Variants in ZNF780B observed in about 807,000 individuals in gnomAD.
ZNF780B encodes zinc finger protein 780B, also known as zinc finger protein 779.
In ZNF780B, 52 loss-of-function variants were observed where a neutral mutation model predicts 74.1. The ratio of observed to expected loss-of-function variants is 0.70; its 90% CI spans 0.56 to 0.88. The LOEUF (loss-of-function observed/expected upper bound fraction) is 0.88, where lower values mean the gene tolerates loss of function less well. Ranked by LOEUF, ZNF780B falls within the 40% of genes least tolerant of loss-of-function variation. The pLI is 0.00. For missense variants in ZNF780B, 953 were observed against 1,007.6 expected, an observed-to-expected ratio of 0.95 and a Z score of 0.73; for synonymous variants, 315 against 324.3, an observed-to-expected ratio of 0.97 and a Z score of 0.31.
intron 2 of ZNF780B, 33 bp downstream of exon 2, chr19:40,050,291 C>T (rs1481092284): frequency 6.3e-7 from 1 of 1,594,822 alleles, no homozygotes; most frequent in Non-Finnish European, 8.5e-7. Context: ...CTGAAAGTCA[C>T]CATATTTCAA....
At position 40,036,599 on chromosome 19, in the gene ZNF780B, T is replaced by C. The variant is rs758085116; in HGVS notation, c.260A>G (p.Lys87Arg). 1 of 1,552,612 alleles carries C rather than the reference T, an allele frequency of 6.4e-7. No individual in the cohort carries two copies. Among genetic ancestry groups the C allele is most frequent in the Non-Finnish European group, 8.7e-7 (1 of 1,152,918 alleles). ...AAAAATATCATTTTCTGGAGATATT[T>C]TCTCAGGTCCATATTTTGACTCCAA... is the stretch of plus-strand genomic sequence containing the variant. ...PDLESKYGPE[K>R]ISPENDIFEI... is the part of the protein sequence containing the mutation. Residue 87 changes from lysine to arginine, a missense_variant, in exon 5 of 5, where the codon AAA becomes AGA. By Grantham distance (26) the Lys-to-Arg change is conservative. Transcript: ENST00000434248.
At position 40,035,016 on chromosome 19, in the gene ZNF780B, A is replaced by T; in HGVS notation, c.1843T>A (p.Cys615Ser). ...CTGAAGGCCTTGCCACATTCCTTAC[A>T]TTCAAAGGGCTTCTCACCAGTATGA... ...KFHTGEKPFE[C>S]KECGKAFSLH... The change falls in exon 5 of 5, where the codon TGT (cysteine) becomes AGT (serine). Residue 615 changes from cysteine (C) to serine (S), a missense_variant. Coordinates refer to ENST00000434248, the MANE Select transcript of ZNF780B (RefSeq NM_001005851.3). The T allele has an allele frequency of 8.7e-6, 14 of 1,614,096 alleles. No homozygotes were observed. Among genetic ancestry groups the T allele is most frequent in the Non-Finnish European group, 1.2e-5 (14 of 1,179,944 alleles).
rs565334915 is a variant in ZNF780B at position 40,035,759 on chromosome 19, C to T, written c.1100G>A (p.Gly367Glu). The change falls in exon 5 of 5, where the codon GGG (glycine) becomes GAG (glutamate). Residue 367 changes from glycine to glutamate, a missense_variant. Transcript: ENST00000434248. ...CTGATTGAGGAGACTAAAGGCCTTC[C>T]CGCATTCCCTGCATTCAAAGGGCTT... ...GEKPFECRECGKAFSLLNQLN... is the reference protein window; with the variant it reads ...GEKPFECRECEKAFSLLNQLN... 5 of 1,613,954 alleles carry T rather than the reference C, an allele frequency of 3.1e-6. No homozygotes were observed. Among genetic ancestry groups the T allele is most frequent in the Admixed American group, 3.3e-5 (2 of 59,972 alleles).
chr19:40,040,304 C>T (rs534991742), intron 4 of ZNF780B, among the ~76,000 whole-genome samples: 1,748 of 152,210 alleles, frequency 0.011, 27 homozygotes, highest in African/African-American at 0.04. Flanking sequence ...CTGCTGGATT[C>T]GGTTTGCCAG....
intron 4 of ZNF780B, among the ~76,000 whole-genome samples, chr19:40,041,201 T>C (rs1972618735): frequency 1.3e-5 from 2 of 152,206 alleles, no homozygotes; most frequent in Admixed American, 1.3e-4. Flanking sequence ...TCAGTTTCCA[T>C]GTAGTTGAGT....
chr19:40,037,431 TTTTAC>T (rs1215961752), intron 4 of ZNF780B, among the ~76,000 whole-genome samples: 2 of 151,968 alleles, frequency 1.3e-5, no homozygotes, highest in South Asian at 2.1e-4. Flanking sequence ...TCTGGCTAAT[TTTTAC>T]TTTATTTTTA....
intron 4 of ZNF780B, among the ~76,000 whole-genome samples, chr19:40,037,720 C>G (rs1318229117): frequency 6.6e-6 from 1 of 152,160 alleles, no homozygotes; most frequent in African/African-American, 2.4e-5. Context: ...AACTTCCTAT[C>G]AGGGCACTGT....
At chr19:40,043,175 C>A (rs1238833449) in intron 4 of ZNF780B, among the ~76,000 whole-genome samples, 1 of 152,154 alleles carries the variant, frequency 6.6e-6, no homozygotes, top group South Asian at 2.1e-4. Context: ...CACTCCAGAC[C>A]CTGTTTGCCT....
intron 1 of ZNF780B, among the ~76,000 whole-genome samples, chr19:40,052,606 C>T (rs1973282627): frequency 6.6e-6 from 1 of 151,774 alleles, no homozygotes; most frequent in Admixed American, 6.6e-5. Flanking sequence ...GTGCATAGAA[C>T]CACAAAAGAC....
chr19:40,037,505 G>A (rs1011065038), intron 4 of ZNF780B, among the ~76,000 whole-genome samples: 3 of 152,112 alleles, frequency 2.0e-5, no homozygotes, highest in Non-Finnish European at 4.4e-5. Flanking sequence ...TGAACTCCTG[G>A]CATCAAGCAA....
At position 40,048,966 on chromosome 19, in the gene ZNF780B, G is replaced by A. The variant is rs1973074982; in HGVS notation, c.10-170C>T. The A allele has an allele frequency of 9.4e-6, 10 of 1,061,924 alleles. No individual in the cohort carries two copies. In the East Asian group the frequency reaches 2.2e-4, roughly 23 times the overall value. The allele number at this position is 1,061,924 out of a possible 1,614,324, so 65.8% of individuals were successfully genotyped here. A position where few individuals can be genotyped will look rare whatever the true frequency, so the allele number is the denominator to read the frequency against. On this transcript the variant is annotated intron_variant, in intron 2 of 4. Coordinates refer to ENST00000434248, the MANE Select transcript of ZNF780B (RefSeq NM_001005851.3). ...TGGCCTGGTGTGGTGGCTCATGCCT[G>A]TTATACCAGCACTTTGGGAGACCAA...
At chr19:40,039,187 G>C (rs1011209754) in intron 4 of ZNF780B, among the ~76,000 whole-genome samples, 6 of 152,098 alleles carry the variant, frequency 3.9e-5, no homozygotes, top group African/African-American at 1.4e-4. Context: ...CCCATTGCTT[G>C]TTTTTGTCAG....
At position 40,056,186 on chromosome 19, in the gene ZNF780B, T is replaced by C. The variant is rs1973492477; in HGVS notation, c.-46+3A>G. 1.3e-5 allele frequency: 2 copies of C among 152,272 alleles called. No homozygotes were observed. Among genetic ancestry groups the C allele is most frequent in the Admixed American group, 1.3e-4 (2 of 15,284 alleles). The allele number at this position is 152,272 out of a possible 1,614,324, so 9.4% of individuals were successfully genotyped here. A position where few individuals can be genotyped will look rare whatever the true frequency, so the allele number is the denominator to read the frequency against. On this transcript the variant is annotated splice_donor_region_variant and intron_variant, in intron 1 of 4. Coordinates refer to ENST00000434248, the MANE Select transcript of ZNF780B (RefSeq NM_001005851.3). The stretch of plus-strand genomic sequence containing the variant: ...ATTTCTTCCTAGGACGTGAAGACCT[T>C]ACCCAGCTAGGTCGTCAACCCCAGG...
intron 4 of ZNF780B, among the ~76,000 whole-genome samples, chr19:40,038,676 C>A: frequency 6.6e-6 from 1 of 152,072 alleles, no homozygotes; most frequent in Non-Finnish European, 1.5e-5. Flanking sequence ...TGATGATGAG[C>A]ATTTTTTCAT....
Position 40,045,609 on chromosome 19 carries a change from A to C in ZNF780B, c.232+1766T>G, listed in dbSNP as rs913416639. Among the ~76,000 whole-genome samples, 15 of 152,228 alleles carry C rather than the reference A, an allele frequency of 9.9e-5. No homozygotes were observed. In the East Asian group the frequency reaches 2.9e-3, roughly 29 times the overall value. ...CAGACAAACAGATAAAGAAAATGTGATATATACACATGGAATACTATTCAG... is the reference window on the plus strand; with the variant it reads ...CAGACAAACAGATAAAGAAAATGTGCTATATACACATGGAATACTATTCAG... On this transcript the variant is annotated intron_variant, in intron 4 of 4. Transcript: ENST00000434248.
rs749545935 is a variant in ZNF780B, at chr19:40,035,364, TC to T, written c.1494del (p.Lys499AsnfsTer168). 2.5e-6 allele frequency: 4 copies of T among 1,614,076 alleles called. No individual in the cohort carries two copies. Among genetic ancestry groups the T allele is most frequent in the African/African-American group, 1.3e-5 (1 of 74,926 alleles). ...CCACAGTCTTTACATTCAAATGGTT[TC>T]TCACCAGTATGAATGTTCTTATGTC... is the stretch of plus-strand genomic sequence containing the variant. ...LARHKNIHTGEKPFECKDCGK... is the reference protein window; with the variant it reads ...LARHKNIHTGXKPFECKDCGK... On this transcript the variant is annotated frameshift_variant, in exon 5 of 5. Coordinates refer to ENST00000434248, the MANE Select transcript of ZNF780B (RefSeq NM_001005851.3). LOFTEE classifies it high-confidence loss of function.
chr19:40,036,536 C>A lies in ZNF780B; in HGVS notation c.323G>T (p.Ser108Ile). The change falls in exon 5 of 5, where the codon AGT becomes ATT. Residue 108 changes from serine (S) to isoleucine (I), a missense_variant. Physicochemically the swap from Ser to Ile is moderately radical, Grantham distance 142. Coordinates refer to ENST00000434248, the MANE Select transcript of ZNF780B (RefSeq NM_001005851.3). ...NLPKHVIKQI[S>I]KTLGLEAFYF... is the part of the protein sequence containing the mutation. ...AAAGGCCTCGAGGCCAAGTGTTTTA[C>A]TTATTTGCTTTATAACATGTTTGGG... The A allele has an allele frequency of 1.3e-6, 2 of 1,597,428 alleles. No homozygotes were observed. The highest frequency in any genetic ancestry group is 1.7e-6 in the Non-Finnish European group (2 of 1,173,562).
At chr19:40,038,841 T>A (rs1972488299) in intron 4 of ZNF780B, among the ~76,000 whole-genome samples, 1 of 150,312 alleles carries the variant, frequency 6.7e-6, no homozygotes, top group African/African-American at 2.4e-5. Flanking sequence ...GTTGTGAAAA[T>A]TTTCTCCCAT....
Position 40,050,611 on chromosome 19 carries a change from G to A in ZNF780B, c.-45-234C>T, listed in dbSNP as rs118150188. On this transcript the variant is annotated intron_variant, in intron 1 of 4. Coordinates refer to ENST00000434248, the MANE Select transcript of ZNF780B (RefSeq NM_001005851.3). Reference sequence around the variant, plus strand: ...CTCGCCTACATCCCAGGGAACCTGCGGCGGAAGCATGAATGCCGAGCACAG... The same window carrying A: ...CTCGCCTACATCCCAGGGAACCTGCAGCGGAAGCATGAATGCCGAGCACAG... Among the ~76,000 whole-genome samples the A allele has an allele frequency of 2.5e-3, 383 of 152,344 alleles. 6 individuals carry two copies. In the East Asian group the frequency reaches 0.047, roughly 19 times the overall value.
Sources: gnomAD v4.1 joint callset for allele counts (sites outside exome capture counted in the v4.1 genomes callset) on GRCh38, gnomAD v4.1.1 for gene constraint, MANE v1.5 for transcripts, NCBI Gene and HGNC (gene_info 2026-07-23, HGNC 2026-07-21) for gene names.